Variants in FAM3C observed in about 807,000 individuals in gnomAD.
FAM3C encodes the protein protein FAM3C.
Under a neutral mutation model 32.5 loss-of-function variants are expected in FAM3C, and 15 were observed. The observed-to-expected ratio is 0.46, with a 90% confidence interval of 0.31 to 0.71. The LOEUF (loss-of-function observed/expected upper bound fraction) is 0.71. Ranked by LOEUF, FAM3C falls within the 30% of genes least tolerant of loss-of-function variation. The probability of loss-of-function intolerance (pLI) is 0.05; values close to 1 mark genes in which losing one functional copy is unlikely to be tolerated. For missense variants in FAM3C, 175 were observed against 274.4 expected (o/e 0.64, Z 2.56); for synonymous variants, 75 against 86.1 (o/e 0.87, Z 0.72).
chr7:121,366,572 G>A (rs1490242224), intron 5 of FAM3C, among the ~76,000 whole-genome samples: 1 of 152,140 alleles, frequency 6.6e-6, no homozygotes, highest in Non-Finnish European at 1.5e-5. Context: ...AAGGATATTA[G>A]CTAAGGGGTA....
intron 1 of FAM3C, among the ~76,000 whole-genome samples, chr7:121,385,523 A>G: frequency 6.6e-6 from 1 of 152,142 alleles, no homozygotes; most frequent in Admixed American, 6.5e-5. Context: ...CATGGTTGAC[A>G]ATTTAAACAT....
At chr7:121,369,491 A>C (rs1010264784) in intron 5 of FAM3C, among the ~76,000 whole-genome samples, 1 of 152,210 alleles carries the variant, frequency 6.6e-6, no homozygotes, top group African/African-American at 2.4e-5. Flanking sequence ...TGGTAATGGC[A>C]GAATGGTTCC....
Position 121,360,000 on chromosome 7 carries a change from A to G in FAM3C, c.467+43T>C, listed in dbSNP as rs370623837. The G allele has an allele frequency of 4.6e-5, 46 of 1,010,798 alleles. 1 individual carries two copies. The African/African-American group carries it at 6.7e-4, about 15-fold the overall frequency. The allele number at this position is 1,010,798 out of a possible 1,614,324, so 62.6% of individuals were successfully genotyped here. On this transcript the variant is annotated intron_variant, in intron 8 of 9. Coordinates refer to ENST00000359943, the MANE Select transcript of FAM3C (RefSeq NM_014888.3). ...TTAATGAAAATGTATTGCTTTTATAATTACAAATTATAGTTCCAAAAAGTT... is the reference window on the plus strand; with the variant it reads ...TTAATGAAAATGTATTGCTTTTATAGTTACAAATTATAGTTCCAAAAAGTT...
rs537448114 is a variant in FAM3C at position 121,369,118 on chromosome 7, T to C, written c.272+2182A>G. ...CCTCAGCCTCCCAAGTAGCTAGGAT[T>C]ACAGGCCCATGTGCCACCACGCCCG... On this transcript the variant is annotated intron_variant, in intron 5 of 9. Coordinates refer to ENST00000359943, the MANE Select transcript of FAM3C (RefSeq NM_014888.3). Among the ~76,000 whole-genome samples the C allele has an allele frequency of 3.3e-5, 5 of 152,054 alleles. No individual in the cohort carries two copies. The South Asian group carries it at 1.0e-3, about 32-fold the overall frequency.
intron 8 of FAM3C, among the ~76,000 whole-genome samples, chr7:121,358,773 T>C (rs1046744134): frequency 4.6e-5 from 7 of 152,112 alleles, no homozygotes; most frequent in East Asian, 1.9e-4. Context: ...AGGAGAGTGA[T>C]AGAAAAATAC....
intron 8 of FAM3C, among the ~76,000 whole-genome samples, chr7:121,352,350 A>T (rs978296989): frequency 6.6e-6 from 1 of 152,224 alleles, no homozygotes; most frequent in Non-Finnish European, 1.5e-5. Context: ...AAAACAGGAA[A>T]GAACTACATA....
chr7:121,383,000 T>C lies in FAM3C; in HGVS notation c.-31A>G, dbSNP rs768271983. ...GTTTTTCAGTTTATGGCACTTTTCA[T>C]TAATATGCTCCTAAAAAATCAAAAC... is the stretch of plus-strand genomic sequence containing the variant. On this transcript the variant is annotated 5_prime_UTR_variant, in exon 2 of 10. It removes an upstream start codon present in the reference 5' UTR. Coordinates refer to ENST00000359943, the MANE Select transcript of FAM3C (RefSeq NM_014888.3). 24 of 1,581,680 alleles carry C rather than the reference T, an allele frequency of 1.5e-5. No individual in the cohort carries two copies. In the East Asian group the frequency reaches 5.0e-4, roughly 33 times the overall value.
At chr7:121,390,653 C>A (rs1198505420) in intron 1 of FAM3C, among the ~76,000 whole-genome samples, 1 of 151,988 alleles carries the variant, frequency 6.6e-6, no homozygotes, top group Non-Finnish European at 1.5e-5. Flanking sequence ...CTATAGCATG[C>A]ACACCAGAAT....
At chr7:121,377,982 A>G (rs1794273238) in intron 3 of FAM3C, among the ~76,000 whole-genome samples, 1 of 152,222 alleles carries the variant, frequency 6.6e-6, no homozygotes, top group African/African-American at 2.4e-5. Context: ...GTGATCTTAT[A>G]TAGCGCCTTG....
At chr7:121,355,306 AATC>A (rs1793784844) in intron 8 of FAM3C, among the ~76,000 whole-genome samples, 1 of 152,206 alleles carries the variant, frequency 6.6e-6, no homozygotes, top group Non-Finnish European at 1.5e-5. Flanking sequence ...TTGTTGAAAT[AATC>A]ATCAAGGTAG....
chr7:121,394,029 T>C (rs550018631), intron 1 of FAM3C, among the ~76,000 whole-genome samples: 23 of 152,276 alleles, frequency 1.5e-4, no homozygotes, highest in African/African-American at 5.3e-4. Flanking sequence ...CTTTAAGAAA[T>C]GGGCATAAAA....
chr7:121,392,764 C>A (rs1373128677), intron 1 of FAM3C, among the ~76,000 whole-genome samples: 2 of 151,808 alleles, frequency 1.3e-5, no homozygotes, highest in African/African-American at 2.4e-5. Context: ...GAATAGCACA[C>A]AAAAATTTAA....
chr7:121,395,216 CATACATATAT>C (rs1794660445), intron 1 of FAM3C, among the ~76,000 whole-genome samples: 1 of 150,852 alleles, frequency 6.6e-6, no homozygotes, highest in South Asian at 2.1e-4. Context: ...TATACGGATA[CATACATATAT>C]ATGGATACAT....
At chr7:121,388,235 A>AACACACACAC (rs10676450) in intron 1 of FAM3C, among the ~76,000 whole-genome samples, 4,705 of 147,876 alleles carry the variant, frequency 0.032, 146 homozygotes, top group African/African-American at 0.077. Context: ...CCACCATTTT[A>AACACACACAC]ACACACACAC....
At position 121,367,208 on chromosome 7, in the gene FAM3C, T is replaced by C. The variant is rs144805762; in HGVS notation, c.273-3020A>G. On this transcript the variant is annotated intron_variant, in intron 5 of 9. Transcript: ENST00000359943. ...CCCCTTCCCACATCTCTAGGCAAAA[T>C]TCTAAAGGAAATGATTATATCATCT... 1.7e-3 allele frequency among the ~76,000 whole-genome samples: 266 copies of C among 152,296 alleles called. 1 individual carries two copies. The highest frequency in any genetic ancestry group is 5.8e-3 in the African/African-American group (242 of 41,560).
intron 1 of FAM3C, among the ~76,000 whole-genome samples, chr7:121,387,307 T>C (rs1794485789): frequency 1.3e-5 from 2 of 152,014 alleles, no homozygotes; most frequent in African/African-American, 2.4e-5. Flanking sequence ...AATAAAAATA[T>C]AAAATTTAAA....
intron 1 of FAM3C, among the ~76,000 whole-genome samples, chr7:121,392,973 C>T (rs1292860644): frequency 6.6e-6 from 1 of 152,074 alleles, no homozygotes. Context: ...TTGAATTATT[C>T]AATTTTTAGG....
Position 121,355,409 on chromosome 7 carries a change from T to C in FAM3C, c.468-4140A>G, listed in dbSNP as rs137985414. ...AAAGGCAACAAAATTTTAGAAATAA[T>C]GGTCCAATAAAACTAATGTGAATTC... is the stretch of plus-strand genomic sequence containing the variant. On this transcript the variant is annotated intron_variant, in intron 8 of 9. Coordinates refer to ENST00000359943, the MANE Select transcript of FAM3C (RefSeq NM_014888.3). Among the ~76,000 whole-genome samples the C allele has an allele frequency of 3.7e-3, 570 of 152,254 alleles. 2 individuals are homozygous for C. The highest frequency in any genetic ancestry group is 0.013 in the African/African-American group (555 of 41,552).
At position 121,350,399 on chromosome 7, in the gene FAM3C, C is replaced by T. The variant is rs1793679847; in HGVS notation, c.*62G>A. ...CTTAAAATATTTACACATAGCTCTG[C>T]CATTTATAGCTCTCCCATTAAGAGT... On this transcript the variant is annotated 3_prime_UTR_variant, in exon 10 of 10. Transcript: ENST00000359943. 2 of 1,608,006 alleles carry T rather than the reference C, an allele frequency of 1.2e-6. No homozygotes were observed. Among genetic ancestry groups the T allele is most frequent in the South Asian group, 1.1e-5 (1 of 90,926 alleles).
Sources: allele counts gnomAD v4.1 joint callset (sites outside exome capture counted in the v4.1 genomes callset), GRCh38; gene constraint gnomAD v4.1.1; transcripts MANE v1.5; gene names NCBI Gene and HGNC (gene_info 2026-07-23, HGNC 2026-07-21).